FRMD4A: variants seen among roughly 807,000 people sequenced by gnomAD.
FRMD4A encodes the protein FERM domain-containing protein 4A.
A neutral mutation model predicts 129.1 loss-of-function variants in FRMD4A; 29 were observed. The ratio of observed to expected loss-of-function variants is 0.22; its 90% CI spans 0.17 to 0.31. The LOEUF is 0.31. FRMD4A is among the 10% of genes least tolerant of loss of function. FRMD4A has a pLI of 1.00. For synonymous variants in FRMD4A, 634 were observed against 571.6 expected (o/e 1.11, Z -1.56); for missense variants, 1,272 against 1,375.8 (o/e 0.92, Z 1.19).
intron 8 of FRMD4A, chr10:13,756,035 G>C (rs1004730145): frequency 6.6e-6 from 1 of 152,208 alleles, no homozygotes; most frequent in African/African-American, 2.4e-5. Flanking sequence ...GTCTTTTCCA[G>C]GTGCTGTTTG....
rs141711843 is a variant in FRMD4A at position 13,907,608 on chromosome 10, C to T, written c.46-48696G>A. The stretch of plus-strand genomic sequence containing the variant: ...TGTGTCAACACCTCCACCTGACAGA[C>T]GAGGAAGTAGGCAGTAAGTTCCTGG... On this transcript the variant is annotated intron_variant, in intron 2 of 24. Coordinates refer to ENST00000357447, the MANE Select transcript of FRMD4A (RefSeq NM_018027.5). Among the ~76,000 whole-genome samples the T allele has an allele frequency of 1.8e-4, 28 of 152,238 alleles. No homozygotes were observed. The East Asian group carries it at 4.3e-3, about 23-fold the overall frequency.
At chr10:13,829,047 A>G (rs868437018) in intron 3 of FRMD4A, among the ~76,000 whole-genome samples, 2 of 152,232 alleles carry the variant, frequency 1.3e-5, no homozygotes, top group Non-Finnish European at 2.9e-5. Flanking sequence ...TGTTTTCCAT[A>G]GACGTTGCAT....
At chr10:13,971,795 G>C in intron 2 of FRMD4A, 2 of 1,304,348 alleles carry the variant, frequency 1.5e-6, no homozygotes, top group South Asian at 2.5e-5. Flanking sequence ...CAGCCCAGCA[G>C]CCATGCCAGC....
At chr10:14,239,069 T>C (rs1483678864) in intron 2 of FRMD4A, among the ~76,000 whole-genome samples, 4 of 152,164 alleles carry the variant, frequency 2.6e-5, no homozygotes, top group Non-Finnish European at 5.9e-5. Context: ...AAGTTAGGCT[T>C]GACATTTCAC....
chr10:13,657,671 G>T (rs2082284391), intron 21 of FRMD4A, 149 bp from the exon 22 acceptor site: 2 of 1,173,078 alleles, frequency 1.7e-6, no homozygotes, highest in Non-Finnish European at 2.3e-6. Flanking sequence ...ACTCAGCAGG[G>T]CTGCCCCAGG....
At chr10:13,884,162 A>ACACACACTCACACG (rs781772320) in intron 2 of FRMD4A, among the ~76,000 whole-genome samples, 165 of 16,300 alleles carry the variant, frequency 0.01, 5 homozygotes, top group East Asian at 0.038. Flanking sequence ...ACTCTCACAC[A>ACACACACTCACACG]CACACTCACA....
intron 2 of FRMD4A, among the ~76,000 whole-genome samples, chr10:14,109,082 C>T (rs1276244004): frequency 1.3e-5 from 2 of 152,108 alleles, no homozygotes; most frequent in African/African-American, 4.8e-5. Flanking sequence ...ACATGAAAGG[C>T]TCTCCAAGGG....
chr10:14,127,978 C>CTCT (rs747654399), intron 2 of FRMD4A, among the ~76,000 whole-genome samples: 1 of 47,824 alleles, frequency 2.1e-5, no homozygotes, highest in African/African-American at 8.5e-5. Context: ...TTCTTTCTTT[C>CTCT]CTTCTCTCTC....
intron 2 of FRMD4A, among the ~76,000 whole-genome samples, chr10:13,922,966 G>C (rs2095090550): frequency 6.6e-6 from 1 of 152,074 alleles, no homozygotes; most frequent in African/African-American, 2.4e-5. Flanking sequence ...TTCATTCTTT[G>C]GTTAAATTAT....
chr10:13,968,604 C>T (rs2095499345), intron 2 of FRMD4A, among the ~76,000 whole-genome samples: 1 of 152,216 alleles, frequency 6.6e-6, no homozygotes, highest in Non-Finnish European at 1.5e-5. Flanking sequence ...AAGCATGTGC[C>T]ACCATGCCCG....
At chr10:14,000,561 C>T (rs2095638237) in intron 2 of FRMD4A, among the ~76,000 whole-genome samples, 1 of 145,088 alleles carries the variant, frequency 6.9e-6, no homozygotes, top group Admixed American at 7.3e-5. Context: ...GCAGGAGAAC[C>T]ACCTGAACCC....
intron 3 of FRMD4A, among the ~76,000 whole-genome samples, chr10:13,855,596 C>A (rs1206292299): frequency 6.6e-6 from 1 of 152,182 alleles, no homozygotes; most frequent in East Asian, 1.9e-4. Context: ...TCAGGAAAGG[C>A]ATTGCTTTGT....
chr10:13,745,522 G>A lies in FRMD4A; in HGVS notation c.548+2214C>T, dbSNP rs543683418. On this transcript the variant is annotated intron_variant, in intron 9 of 24. Coordinates refer to ENST00000357447, the MANE Select transcript of FRMD4A (RefSeq NM_018027.5). ...GGATGTTCTGCCAAGCCAGCTATAG[G>A]TGAAGATGTTCATATGCAGAAGAGA... Among the ~76,000 whole-genome samples the A allele has an allele frequency of 1.5e-4, 23 of 152,300 alleles. No individual in the cohort carries two copies. The South Asian group carries it at 3.9e-3, about 26-fold the overall frequency.
chr10:14,281,141 C>T (rs61836117), intron 2 of FRMD4A, among the ~76,000 whole-genome samples: 33,839 of 151,700 alleles, frequency 0.22, 4,096 homozygotes, highest in Middle Eastern at 0.36. Context: ...TACAGGAGCA[C>T]ACCACCACAC....
intron 2 of FRMD4A, among the ~76,000 whole-genome samples, chr10:13,957,300 C>T (rs542754112): frequency 6.6e-6 from 1 of 152,314 alleles, no homozygotes; most frequent in Admixed American, 6.5e-5. Flanking sequence ...GCTGCCCAGA[C>T]TGGAGTGCAG....
intron 2 of FRMD4A, among the ~76,000 whole-genome samples, chr10:13,942,295 A>C (rs2095298433): frequency 6.6e-6 from 1 of 152,190 alleles, no homozygotes; most frequent in African/African-American, 2.4e-5. Context: ...ATGTCTCTGC[A>C]ATGATGGGCC....
At chr10:14,132,612 G>C (rs1839319935) in intron 2 of FRMD4A, among the ~76,000 whole-genome samples, 1 of 152,184 alleles carries the variant, frequency 6.6e-6, no homozygotes, top group African/African-American at 2.4e-5. Flanking sequence ...AGTAGATCTG[G>C]AGTATTCCCC....
chr10:13,994,111 C>T (rs1410538131), intron 2 of FRMD4A, among the ~76,000 whole-genome samples: 1 of 147,980 alleles, frequency 6.8e-6, no homozygotes, highest in Non-Finnish European at 1.5e-5. Context: ...CCGGGTTCAG[C>T]GATTCTGCTG....
chr10:14,102,423 A>G (rs1030860211), intron 2 of FRMD4A, among the ~76,000 whole-genome samples: 4 of 152,330 alleles, frequency 2.6e-5, no homozygotes, highest in Admixed American at 1.3e-4. Context: ...GCTACTCAGG[A>G]GCCTGAGGTA....
Sources: allele counts gnomAD v4.1 joint callset (sites outside exome capture counted in the v4.1 genomes callset), GRCh38; gene constraint gnomAD v4.1.1; transcripts MANE v1.5; gene names NCBI Gene and HGNC (gene_info 2026-07-23, HGNC 2026-07-21).